Variants in NALF1 observed in about 807,000 individuals in gnomAD.
The protein encoded by NALF1 is family with sequence similarity 155 member A.
Under a neutral mutation model 48.4 loss-of-function variants are expected in NALF1, and 3 were observed. The observed-to-expected ratio is 0.06, with a 90% CI of 0.03 to 0.16. The LOEUF (loss-of-function observed/expected upper bound fraction) is 0.16, where lower values mean the gene tolerates loss of function less well. Ranked by LOEUF, NALF1 falls within the 10% of genes least tolerant of loss-of-function variation. NALF1 has a pLI of 1.00. For synonymous variants in NALF1, 262 were observed against 245.7 expected (o/e 1.07, Z -0.62); for missense variants, 526 against 571.5 (o/e 0.92, Z 0.81).
chr13:107,271,814 A>ATTTATTTATT lies in NALF1; in HGVS notation c.916-61060_916-61059insAATAAATAAA, dbSNP rs1555329805. Among the ~76,000 whole-genome samples, 297 of 102,366 alleles carry ATTTATTTATT rather than the reference A, an allele frequency of 2.9e-3. 5 individuals carry two copies. Among genetic ancestry groups the ATTTATTTATT allele is most frequent in the African/African-American group, 0.012 (254 of 20,330 alleles). 67.2% of individuals were successfully genotyped at this position (102,366 alleles called of 152,430 possible). A position where few individuals can be genotyped will look rare whatever the true frequency, so the allele number is the denominator to read the frequency against. ...TATATATATATATATATATATATAT[A>ATTTATTTATT]TATTTATATATTTATATATACAAAT... On this transcript the variant is annotated intron_variant, in intron 1 of 2. Transcript: ENST00000375915.
intron 1 of NALF1, among the ~76,000 whole-genome samples, chr13:107,436,430 A>G (rs56136417): frequency 6.6e-6 from 1 of 152,202 alleles, no homozygotes; most frequent in Non-Finnish European, 1.5e-5. Flanking sequence ...CATTCACAGT[A>G]TTAGCACAAA....
intron 1 of NALF1, among the ~76,000 whole-genome samples, chr13:107,373,997 T>C (rs1310932697): frequency 6.6e-6 from 1 of 152,216 alleles, no homozygotes; most frequent in Non-Finnish European, 1.5e-5. Flanking sequence ...AAAGCAAAAA[T>C]AAAAACATTT....
chr13:107,243,508 A>G lies in NALF1; in HGVS notation c.916-32753T>C, dbSNP rs76906935. Among the ~76,000 whole-genome samples, 446 of 152,182 alleles carry G rather than the reference A, an allele frequency of 2.9e-3. 6 individuals carry two copies. The highest frequency in any genetic ancestry group is 0.01 in the African/African-American group (427 of 41,540). ...TCCTGCCTGTCCCCATCCAAACCCT[A>G]TCTCTAAAAGACCTAGGACCAAGTC... On this transcript the variant is annotated intron_variant, in intron 1 of 2. Coordinates refer to ENST00000375915, the MANE Select transcript of NALF1 (RefSeq NM_001080396.3).
At chr13:107,558,637 G>A (rs988083420) in intron 1 of NALF1, among the ~76,000 whole-genome samples, 1 of 152,316 alleles carries the variant, frequency 6.6e-6, no homozygotes, top group East Asian at 1.9e-4. Flanking sequence ...AAGACATCCG[G>A]TGGTAGTAAA....
intron 1 of NALF1, among the ~76,000 whole-genome samples, chr13:107,268,424 CCACA>C (rs59222169): frequency 6.6e-6 from 1 of 151,352 alleles, no homozygotes; most frequent in Non-Finnish European, 1.5e-5. Flanking sequence ...TATACAACAC[CCACA>C]CACACACACA....
At chr13:107,466,306 C>T (rs1885002060) in intron 1 of NALF1, 1 of 152,222 alleles carries the variant, frequency 6.6e-6, no homozygotes, top group Non-Finnish European at 1.5e-5. Context: ...AGTCACCTCT[C>T]AAAAGTCCTC....
At chr13:107,242,202 T>C (rs1880484910) in intron 1 of NALF1, among the ~76,000 whole-genome samples, 1 of 152,200 alleles carries the variant, frequency 6.6e-6, no homozygotes, top group Non-Finnish European at 1.5e-5. Context: ...CAATCCTTGA[T>C]CAAAGACCTT....
At chr13:107,789,650 A>G (rs997453507) in intron 1 of NALF1, among the ~76,000 whole-genome samples, 1 of 152,216 alleles carries the variant, frequency 6.6e-6, no homozygotes, top group African/African-American at 2.4e-5. Context: ...AATGGAAGCA[A>G]ACATTCTTTT....
intron 1 of NALF1, among the ~76,000 whole-genome samples, chr13:107,704,414 T>C (rs1389563866): frequency 6.6e-6 from 1 of 152,214 alleles, no homozygotes; most frequent in Admixed American, 6.5e-5. Flanking sequence ...AATGTCTATC[T>C]CTTTGAATTC....
rs1594112909 is a variant in NALF1, at chr13:107,306,781, TG to T, written c.916-96027del. Among the ~76,000 whole-genome samples the T allele has an allele frequency of 3.3e-5, 5 of 152,172 alleles. No individual in the cohort carries two copies. In the East Asian group the frequency reaches 9.7e-4, roughly 29 times the overall value. On this transcript the variant is annotated intron_variant, in intron 1 of 2. Coordinates refer to ENST00000375915, the MANE Select transcript of NALF1 (RefSeq NM_001080396.3). ...AAGTTTGAGACCCACCTGGGCAACG[TG>T]GTGTGACCCTGTCTCTACAAAAAAT...
Position 107,263,249 on chromosome 13 carries a change from GACACACACACACACACACACACACACAC to G in NALF1, c.916-52522_916-52495del, listed in dbSNP as rs34637583. 1.9e-4 allele frequency among the ~76,000 whole-genome samples: 26 copies of G among 138,464 alleles called. 1 individual carries two copies. In the East Asian group the frequency reaches 5.4e-3, roughly 29 times the overall value. The allele number at this position is 138,464 out of a possible 152,430, so 90.8% of individuals were successfully genotyped here. ...CCCAACACCCCACAAAATGCTAACA[GACACACACACACACACACACACACACAC>G]ACACACACACACACATCTCAGTGGA... is the stretch of plus-strand genomic sequence containing the variant. On this transcript the variant is annotated intron_variant, in intron 1 of 2. Coordinates refer to ENST00000375915, the MANE Select transcript of NALF1 (RefSeq NM_001080396.3).
chr13:107,848,158 TC>T (rs1880220152), intron 1 of NALF1, among the ~76,000 whole-genome samples: 1 of 152,204 alleles, frequency 6.6e-6, no homozygotes, highest in Non-Finnish European at 1.5e-5. Context: ...CAACGAAGTT[TC>T]CTTTGGTGGT....
chr13:107,197,063 T>C (rs2138790022), intron 2 of NALF1, among the ~76,000 whole-genome samples: 1 of 152,234 alleles, frequency 6.6e-6, no homozygotes, highest in Admixed American at 6.5e-5. Context: ...TGGTAGAACC[T>C]GTGGCTTTGT....
intron 1 of NALF1, among the ~76,000 whole-genome samples, chr13:107,311,387 G>A (rs921220625): frequency 2.3e-4 from 35 of 152,166 alleles, no homozygotes; most frequent in African/African-American, 8.4e-4. Flanking sequence ...TTTGAAAACT[G>A]TCAGATCTTA....
At chr13:107,702,116 G>C (rs1015645628) in intron 1 of NALF1, among the ~76,000 whole-genome samples, 6 of 152,106 alleles carry the variant, frequency 3.9e-5, no homozygotes, top group Non-Finnish European at 5.9e-5. Context: ...TACATATATG[G>C]AATTGTTGAC....
At chr13:107,330,837 G>T (rs1257737740) in intron 1 of NALF1, among the ~76,000 whole-genome samples, 6 of 152,100 alleles carry the variant, frequency 3.9e-5, no homozygotes, top group Non-Finnish European at 2.9e-5. Context: ...AAAAATGAAG[G>T]TTTATGCTAA....
rs942342188 is a variant in NALF1 at position 107,576,889 on chromosome 13, G to A, written c.915+288793C>T. Among the ~76,000 whole-genome samples the A allele has an allele frequency of 3.9e-5, 6 of 152,112 alleles. No individual in the cohort carries two copies. The South Asian group carries it at 1.2e-3, about 31-fold the overall frequency. On this transcript the variant is annotated intron_variant, in intron 1 of 2. Coordinates refer to ENST00000375915, the MANE Select transcript of NALF1 (RefSeq NM_001080396.3). Reference sequence around the variant, plus strand: ...TTCCTACTCTGTCAAAATCTTCTGCGAGCAAGCCTTCTCATGGGAGTGAGA... The same window carrying A: ...TTCCTACTCTGTCAAAATCTTCTGCAAGCAAGCCTTCTCATGGGAGTGAGA...
intron 1 of NALF1, among the ~76,000 whole-genome samples, chr13:107,234,296 GC>G (rs1880291330): frequency 6.6e-6 from 1 of 152,164 alleles, no homozygotes; most frequent in African/African-American, 2.4e-5. Flanking sequence ...GCTTAGGTGA[GC>G]CCCTCTTTCA....
At chr13:107,858,644 G>A (rs955422321) in intron 1 of NALF1, among the ~76,000 whole-genome samples, 4 of 152,112 alleles carry the variant, frequency 2.6e-5, no homozygotes, top group Non-Finnish European at 4.4e-5. Flanking sequence ...CTGAGATTGC[G>A]CCAATGCACT....
Sources: allele counts gnomAD v4.1 joint callset (sites outside exome capture counted in the v4.1 genomes callset), GRCh38; gene constraint gnomAD v4.1.1; transcripts MANE v1.5; gene names NCBI Gene and HGNC (gene_info 2026-07-23, HGNC 2026-07-21).